The following CAPN7 variants were observed in gnomAD, a reference collection of about 807,000 sequenced individuals.
CAPN7 encodes calpain-7.
CAPN7 carries 72 observed loss-of-function variants against 115.2 expected under a neutral mutation model. That is an observed-to-expected ratio of 0.63 (90% CI 0.52 to 0.76). The LOEUF (loss-of-function observed/expected upper bound fraction) is 0.76. CAPN7 is among the 30% of genes least tolerant of loss of function. The pLI is 0.00. For missense variants in CAPN7, 905 were observed against 971.5 expected (o/e 0.93, Z 0.91); for synonymous variants, 344 against 322.3 (o/e 1.07, Z -0.72).
intron 2 of CAPN7, among the ~76,000 whole-genome samples, chr3:15,212,508 A>C (rs911741386): frequency 8.5e-5 from 13 of 152,222 alleles, no homozygotes; most frequent in African/African-American, 3.1e-4. Flanking sequence ...ATTAGGATTC[A>C]GTTAAAGTCT....
At chr3:15,215,370 C>A (rs1342391867) in intron 2 of CAPN7, among the ~76,000 whole-genome samples, 1 of 152,222 alleles carries the variant, frequency 6.6e-6, no homozygotes, top group East Asian at 1.9e-4. Context: ...ATAAAATTCA[C>A]CCTCTTAAAG....
chr3:15,247,833 C>G (rs1052555487), intron 19 of CAPN7, among the ~76,000 whole-genome samples: 1 of 152,154 alleles, frequency 6.6e-6, no homozygotes, highest in Non-Finnish European at 1.5e-5. Context: ...AGAAAAAAAT[C>G]TGCAGTTTTT....
chr3:15,232,450 T>G, intron 9 of CAPN7, 69 bp from the exon 10 acceptor site: 26 of 1,292,014 alleles, frequency 2.0e-5, no homozygotes, highest in Non-Finnish European at 2.6e-5. Context: ...AGGTATGTTT[T>G]TATTTCTTGA....
intron 1 of CAPN7, among the ~76,000 whole-genome samples, chr3:15,208,825 C>T (rs2044776138): frequency 6.6e-6 from 1 of 152,124 alleles, no homozygotes; most frequent in Admixed American, 6.5e-5. Flanking sequence ...TGCAAATATA[C>T]CCCTCTAGCT....
At chr3:15,209,723 A>G (rs1163136968) in intron 1 of CAPN7, among the ~76,000 whole-genome samples, 2 of 152,256 alleles carry the variant, frequency 1.3e-5, no homozygotes, top group African/African-American at 4.8e-5. Flanking sequence ...AACAGGTTAA[A>G]ATAGTGCTAT....
chr3:15,232,218 T>A (rs1694733965), intron 9 of CAPN7: 1 of 345,486 alleles, frequency 2.9e-6, no homozygotes, highest in African/African-American at 2.2e-5. Context: ...TTGGAGCATT[T>A]CAAATTTTAG....
intron 3 of CAPN7, among the ~76,000 whole-genome samples, chr3:15,217,999 C>G (rs1434976389): frequency 6.6e-6 from 1 of 152,096 alleles, no homozygotes; most frequent in Non-Finnish European, 1.5e-5. Flanking sequence ...CCCTGCTGAG[C>G]CTTGGTTGGG....
At chr3:15,240,700 T>TGC in intron 13 of CAPN7, 54 bp from the exon 14 acceptor site, 2 of 1,556,612 alleles carry the variant, frequency 1.3e-6, no homozygotes, top group Non-Finnish European at 1.8e-6. Context: ...TGTAACTGAC[T>TGC]TAAATCATTT....
intron 2 of CAPN7, among the ~76,000 whole-genome samples, chr3:15,216,462 A>AT (rs1693599723): frequency 6.6e-6 from 1 of 152,156 alleles, no homozygotes; most frequent in Non-Finnish European, 1.5e-5. Context: ...TCCTTTGCCC[A>AT]TTTTTTAACT....
In CAPN7 at chr3:15,250,854, C is replaced by T. The variant is rs73025353; in HGVS notation, c.2205-77C>T. On this transcript the variant is annotated intron_variant, in intron 19 of 20. Coordinates refer to ENST00000253693, the MANE Select transcript of CAPN7 (RefSeq NM_014296.3). ...AAACATAAACTTAGTATGACATCTG[C>T]ACTTCAGATAAAGTTATTTTAAATC... 4.1e-3 allele frequency: 4,101 copies of T among 993,720 alleles called. 12 individuals are homozygous for T. Among genetic ancestry groups the T allele is most frequent in the Non-Finnish European group, 5.5e-3 (3,481 of 636,802 alleles). The allele number at this position is 993,720 out of a possible 1,614,324, so 61.6% of individuals were successfully genotyped here. A position where few individuals can be genotyped will look rare whatever the true frequency, so the allele number is the denominator to read the frequency against.
chr3:15,240,905 C>T lies in CAPN7; in HGVS notation c.1652+52C>T, dbSNP rs778037673. 11 of 1,143,020 alleles carry T rather than the reference C, an allele frequency of 9.6e-6. No homozygotes were observed. The Admixed American group carries it at 2.0e-4, about 21-fold the overall frequency. The allele number at this position is 1,143,020 out of a possible 1,614,324, so 70.8% of individuals were successfully genotyped here. A position where few individuals can be genotyped will look rare whatever the true frequency, so the allele number is the denominator to read the frequency against. On this transcript the variant is annotated intron_variant, in intron 14 of 20. Coordinates refer to ENST00000253693, the MANE Select transcript of CAPN7 (RefSeq NM_014296.3). ...GCTTTATAATAGCATCCACTTTCCT[C>T]ACTTAAAAACATAATGGTGCCAGGC...
chr3:15,211,021 G>A, intron 1 of CAPN7: 1 of 840,678 alleles, frequency 1.2e-6, no homozygotes, highest in Non-Finnish European at 1.5e-6. Context: ...CCACCTTCTA[G>A]CCATAGCATA....
intron 14 of CAPN7, among the ~76,000 whole-genome samples, chr3:15,241,173 C>G (rs1424329314): frequency 3.3e-5 from 5 of 152,086 alleles, no homozygotes; most frequent in Admixed American, 2.0e-4. Flanking sequence ...CCACTGCACT[C>G]CAGCCCGGAC....
chr3:15,224,864 G>A (rs1559395053), intron 6 of CAPN7, among the ~76,000 whole-genome samples: 1 of 152,136 alleles, frequency 6.6e-6, no homozygotes, highest in Admixed American at 6.5e-5. Context: ...GTATCACAAA[G>A]CCAGTTAACA....
At chr3:15,235,600 A>G (rs1444071183) in intron 12 of CAPN7, among the ~76,000 whole-genome samples, 2 of 152,150 alleles carry the variant, frequency 1.3e-5, no homozygotes, top group Non-Finnish European at 2.9e-5. Flanking sequence ...TTTACCTCAG[A>G]TCATCAGGCA....
At chr3:15,247,235 C>CT (rs59046014) in intron 18 of CAPN7, 92 bp from the exon 19 acceptor site, 80,451 of 721,754 alleles carry the variant, frequency 0.11, 7 homozygotes, top group East Asian at 0.14. Context: ...GGAAAATTGC[C>CT]TTTTTTTTTT....
chr3:15,238,873 T>TG (rs1695171299), intron 12 of CAPN7, among the ~76,000 whole-genome samples: 1 of 146,716 alleles, frequency 6.8e-6, no homozygotes, highest in Non-Finnish European at 1.5e-5. Context: ...TTTTTTTTTT[T>TG]GTTCTCTAGC....
chr3:15,210,596 C>CCTTTTTTTTTT (rs2044878198), intron 1 of CAPN7, among the ~76,000 whole-genome samples: 1 of 104,490 alleles, frequency 9.6e-6, no homozygotes, highest in Non-Finnish European at 1.7e-5. Flanking sequence ...TGCTTCCTTC[C>CCTTTTTTTTTT]TTTTTTTTTT....
At chr3:15,243,923 G>A (rs1695504131) in intron 16 of CAPN7, among the ~76,000 whole-genome samples, 1 of 152,128 alleles carries the variant, frequency 6.6e-6, no homozygotes, top group Non-Finnish European at 1.5e-5. Context: ...ACATTCACAT[G>A]TACCCCCAAA....
Sources: gnomAD v4.1 joint callset for allele counts (sites outside exome capture counted in the v4.1 genomes callset) on GRCh38, gnomAD v4.1.1 for gene constraint, MANE v1.5 for transcripts, NCBI Gene and HGNC (gene_info 2026-07-23, HGNC 2026-07-21) for gene names.